SEPTIN7: variants seen among roughly 807,000 people sequenced by gnomAD.
The protein encoded by SEPTIN7 is septin 7.
A neutral mutation model predicts 63.3 loss-of-function variants in SEPTIN7; 10 were observed. The ratio of observed to expected loss-of-function variants is 0.16; its 90% CI spans 0.10 to 0.27. The LOEUF is 0.27. Among genes scored for constraint, SEPTIN7 ranks in the 10% least tolerant of loss-of-function variants. The pLI, the probability that SEPTIN7 is intolerant of heterozygous loss-of-function variation, is 1.00. For missense variants in SEPTIN7, 310 were observed against 521.0 expected (o/e 0.59, Z 3.94); for synonymous variants, 131 against 165.3 (o/e 0.79, Z 1.59).
At chr7:35,908,565 T>C (rs1485412650), downstream of SEPTIN7, among the ~76,000 whole-genome samples, 1 of 152,040 alleles carries the variant, frequency 6.6e-6, no homozygotes, top group Non-Finnish European at 1.5e-5. Context: ...TGAAACCCTA[T>C]GGGGGTGGGA....
intron 11 of SEPTIN7, among the ~76,000 whole-genome samples, chr7:35,894,366 A>T (rs1787836640): frequency 6.6e-6 from 1 of 152,122 alleles, no homozygotes; most frequent in South Asian, 2.1e-4. Flanking sequence ...TCCATCAGTC[A>T]TCTTGGGAAA....
In SEPTIN7 at chr7:35,903,085, C is replaced by G; in HGVS notation, c.1144C>G (p.Arg382Gly). 6.5e-7 allele frequency: 1 copy of G among 1,545,328 alleles called. No homozygotes were observed. Among genetic ancestry groups the G allele is most frequent in the East Asian group, 2.4e-5 (1 of 41,304 alleles). ...LKDSEAELQR[R>G]HEQMKKNLEA... is the part of the protein sequence containing the mutation. ...TTGTGCTATGATTTAGCTCCAGCGG[C>G]GCCATGAGCAAATGAAAAAGAATTT... is the stretch of plus-strand genomic sequence containing the variant. The change falls in exon 13 of 14, where the codon CGC becomes GGC. Residue 382 changes from arginine to glycine, a missense_variant. Coordinates refer to ENST00000350320, the MANE Select transcript of SEPTIN7 (RefSeq NM_001788.6).
intron 3 of SEPTIN7, among the ~76,000 whole-genome samples, chr7:35,840,637 A>T (rs1370232929): frequency 3.3e-5 from 5 of 150,398 alleles, no homozygotes; most frequent in East Asian, 2.0e-4. Context: ...AAAAAAGGAA[A>T]TTTTTTTTTT....
At chr7:35,807,030 G>C (rs1358047422) in intron 1 of SEPTIN7, among the ~76,000 whole-genome samples, 1 of 152,170 alleles carries the variant, frequency 6.6e-6, no homozygotes, top group Non-Finnish European at 1.5e-5. Context: ...TATTCCTGCA[G>C]TGGTAATTTG....
At chr7:35,822,588 GA>G (rs1783280634) in intron 1 of SEPTIN7, among the ~76,000 whole-genome samples, 1 of 152,164 alleles carries the variant, frequency 6.6e-6, no homozygotes, top group Admixed American at 6.5e-5. Flanking sequence ...TGGAGATACA[GA>G]TAAAGCTTCA....
At chr7:35,873,218 ACTTTT>A (rs1041567158) in intron 5 of SEPTIN7, among the ~76,000 whole-genome samples, 3 of 152,014 alleles carry the variant, frequency 2.0e-5, no homozygotes, top group African/African-American at 7.2e-5. Context: ...TATAAATAAT[ACTTTT>A]ATTTTTGTTT....
At chr7:35,892,565 A>C (rs1263397065) in intron 11 of SEPTIN7, among the ~76,000 whole-genome samples, 2 of 152,164 alleles carry the variant, frequency 1.3e-5, no homozygotes, top group Admixed American at 1.3e-4. Context: ...ATATTTTTTA[A>C]AACATTTGTT....
At chr7:35,899,149 T>A (rs1442817235) in intron 12 of SEPTIN7, 1 of 152,194 alleles carries the variant, frequency 6.6e-6, no homozygotes, top group East Asian at 1.9e-4. Flanking sequence ...TTGATAGATG[T>A]CTGAGAATAG....
intron 3 of SEPTIN7, among the ~76,000 whole-genome samples, chr7:35,837,951 T>A (rs1784160273): frequency 6.6e-6 from 1 of 152,048 alleles, no homozygotes; most frequent in South Asian, 2.1e-4. Context: ...CTTGAACACC[T>A]ATATTGACCT....
intron 11 of SEPTIN7, among the ~76,000 whole-genome samples, chr7:35,894,673 C>G (rs1427915207): frequency 6.6e-6 from 1 of 152,112 alleles, no homozygotes; most frequent in Non-Finnish European, 1.5e-5. Context: ...TTTTATTGAA[C>G]TTTGAAATTA....
chr7:35,884,036 T>C (rs181433886), intron 9 of SEPTIN7, 49 bp downstream of exon 9: 1 of 1,163,506 alleles, frequency 8.6e-7, no homozygotes, highest in African/African-American at 1.5e-5. Context: ...CAAAACTGAT[T>C]AAAAATTTGT....
At chr7:35,813,192 C>T (rs558117497) in intron 1 of SEPTIN7, among the ~76,000 whole-genome samples, 1 of 152,122 alleles carries the variant, frequency 6.6e-6, no homozygotes, top group Non-Finnish European at 1.5e-5. Flanking sequence ...ATGTAACTTA[C>T]CCGCCTGAAC....
intron 1 of SEPTIN7, among the ~76,000 whole-genome samples, chr7:35,821,357 A>G (rs1789399540): frequency 6.6e-6 from 1 of 152,158 alleles, no homozygotes. Flanking sequence ...AATTTCTTTG[A>G]TGTTCTCCTG....
At chr7:35,868,987 G>A (rs1358693405) in intron 4 of SEPTIN7, among the ~76,000 whole-genome samples, 1 of 152,098 alleles carries the variant, frequency 6.6e-6, no homozygotes, top group African/African-American at 2.4e-5. Context: ...AAATGGGAGA[G>A]GCATGAGACT....
At chr7:35,829,582 T>C (rs1260549857) in intron 1 of SEPTIN7, among the ~76,000 whole-genome samples, 2 of 152,204 alleles carry the variant, frequency 1.3e-5, no homozygotes, top group Admixed American at 6.5e-5. Flanking sequence ...TTATACCTCT[T>C]ATCTGATGAG....
At chr7:35,867,704 C>CT (rs1785899784) in intron 4 of SEPTIN7, among the ~76,000 whole-genome samples, 1 of 152,156 alleles carries the variant, frequency 6.6e-6, no homozygotes, top group Admixed American at 6.5e-5. Flanking sequence ...TATCATCTGT[C>CT]TTTTCTTGGG....
In SEPTIN7 at chr7:35,822,248, G is replaced by C. The variant is rs977221604; in HGVS notation, c.62-9244G>C. Among the ~76,000 whole-genome samples the C allele has an allele frequency of 2.3e-3, 346 of 151,892 alleles. 7 individuals carry two copies. Among genetic ancestry groups the C allele is most frequent in the Non-Finnish European group, 3.5e-4 (24 of 67,960 alleles). ...GGCTAATTTTTTGTATTTTAGTAGA[G>C]ACAGGATTTCACCATGTTGCCCAGG... On this transcript the variant is annotated intron_variant, in intron 1 of 13. Coordinates refer to ENST00000350320, the MANE Select transcript of SEPTIN7 (RefSeq NM_001788.6).
chr7:35,908,858 G>A (rs531416002), downstream of SEPTIN7, among the ~76,000 whole-genome samples: 10 of 152,238 alleles, frequency 6.6e-5, no homozygotes, highest in African/African-American at 2.2e-4. Flanking sequence ...ACTTGTTCTG[G>A]CAAAGGCATA....
chr7:35,887,026 A>T (rs753506853), intron 10 of SEPTIN7, among the ~76,000 whole-genome samples: 2 of 152,218 alleles, frequency 1.3e-5, no homozygotes, highest in Non-Finnish European at 2.9e-5. Context: ...GAAGAGCAAA[A>T]GCACGAGAAG....
Sources: allele counts gnomAD v4.1 joint callset (sites outside exome capture counted in the v4.1 genomes callset), GRCh38; gene constraint gnomAD v4.1.1; transcripts MANE v1.5; gene names NCBI Gene and HGNC (gene_info 2026-07-23, HGNC 2026-07-21).